Variants in CACNA1E observed in about 807,000 individuals in gnomAD.
CACNA1E encodes voltage-dependent R-type calcium channel subunit alpha-1E.
In CACNA1E, 40 loss-of-function variants were observed where a neutral mutation model predicts 259.2. The observed-to-expected ratio is 0.15, with a 90% CI of 0.12 to 0.20. CACNA1E has a LOEUF of 0.20. Ranked by LOEUF, CACNA1E falls within the 10% of genes least tolerant of loss-of-function variation. CACNA1E has a pLI of 1.00. For synonymous variants in CACNA1E, 1,104 were observed against 1,138.5 expected (o/e 0.97, Z 0.61); for missense variants, 1,874 against 3,040.1 (o/e 0.62, Z 9.02).
intron 35 of CACNA1E, among the ~76,000 whole-genome samples, chr1:181,769,078 A>AT (rs1659269255): frequency 6.6e-6 from 1 of 152,156 alleles, no homozygotes; most frequent in South Asian, 2.1e-4. Flanking sequence ...AGGAAGTGGG[A>AT]TTGTCAGCCT....
intron 10 of CACNA1E, 118 bp downstream of exon 10, chr1:181,716,247 G>T: frequency 1.1e-4 from 38 of 352,092 alleles, no homozygotes; most frequent in Non-Finnish European, 1.1e-4. Flanking sequence ...ATTTAGGAAT[G>T]TAATTAAGGA....
At position 181,485,920 on chromosome 1, in the gene CACNA1E, C is replaced by A. The variant is rs1006734916; in HGVS notation, c.266+1910C>A. ...AGTGTGCCAGCAGCCATCGTTGGCA[C>A]CTCGGACAGCGCCGCTGAAACTCCC... On this transcript the variant is annotated intron_variant, in intron 1 of 47. Transcript: ENST00000367573. The surrounding 1 kb of genome is among the most constrained non-coding windows in gnomAD (Gnocchi z 4.2). Among the ~76,000 whole-genome samples, 2 of 152,234 alleles carry A rather than the reference C, an allele frequency of 1.3e-5. No individual in the cohort carries two copies. The highest frequency in any genetic ancestry group is 2.9e-5 in the Non-Finnish European group (2 of 68,040).
chr1:181,662,442 G>C lies in CACNA1E; in HGVS notation c.1055+11001G>C, dbSNP rs564579095. On this transcript the variant is annotated intron_variant, in intron 7 of 47. Coordinates refer to ENST00000367573, the MANE Select transcript of CACNA1E (RefSeq NM_001205293.3). ...ATGTATAGCCTAGTAGTAAAATACA[G>C]ACTCTAGACAGTCTAGCTGGGTTTG... Among the ~76,000 whole-genome samples the C allele has an allele frequency of 2.6e-5, 4 of 152,256 alleles. No homozygotes were observed. The South Asian group carries it at 8.3e-4, about 32-fold the overall frequency.
At chr1:181,695,687 G>A (rs897754004) in intron 7 of CACNA1E, among the ~76,000 whole-genome samples, 1 of 152,210 alleles carries the variant, frequency 6.6e-6, no homozygotes, top group Non-Finnish European at 1.5e-5. Context: ...CTACAGCTGG[G>A]TGTGGTGGCT....
rs151114434 is a variant in CACNA1E, at chr1:181,620,763, A to C, written c.952-30575A>C. On this transcript the variant is annotated intron_variant, in intron 6 of 47. Transcript: ENST00000367573. Reference sequence around the variant, plus strand: ...AAATAGTTCATATGAGTCATGAGAAATTCTGAGTGAAATCCTAGGTGCCAT... The same window carrying C: ...AAATAGTTCATATGAGTCATGAGAACTTCTGAGTGAAATCCTAGGTGCCAT... Among the ~76,000 whole-genome samples, 93 of 152,358 alleles carry C rather than the reference A, an allele frequency of 6.1e-4. 1 individual carries two copies. The East Asian group carries it at 0.017, about 28-fold the overall frequency.
At chr1:181,331,314 G>A (rs557005940) in intron 1 of CACNA1E, among the ~76,000 whole-genome samples, 1 of 152,244 alleles carries the variant, frequency 6.6e-6, no homozygotes, top group Admixed American at 6.5e-5. Flanking sequence ...AGGCTGAGAA[G>A]GCCCATCACA....
intron 3 of CACNA1E, among the ~76,000 whole-genome samples, chr1:181,543,407 C>T (rs955557630): frequency 6.6e-6 from 1 of 152,136 alleles, no homozygotes; most frequent in African/African-American, 2.4e-5. Flanking sequence ...ATGTTCCTGT[C>T]CACAAATTCA....
intron 6 of CACNA1E, among the ~76,000 whole-genome samples, chr1:181,593,478 A>G (rs909296356): frequency 3.3e-5 from 5 of 152,254 alleles, no homozygotes; most frequent in Non-Finnish European, 5.9e-5. Flanking sequence ...GCTAACTTGC[A>G]TAAACTGTGA....
intron 3 of CACNA1E, among the ~76,000 whole-genome samples, chr1:181,528,788 A>G (rs889041608): frequency 6.6e-6 from 1 of 152,194 alleles, no homozygotes; most frequent in Non-Finnish European, 1.5e-5. Flanking sequence ...CTGGTGGAGG[A>G]AATTTCTTAG....
chr1:181,486,206 G>C (rs1192922920), intron 1 of CACNA1E, among the ~76,000 whole-genome samples: 3 of 152,220 alleles, frequency 2.0e-5, no homozygotes, highest in African/African-American at 7.2e-5. Flanking sequence ...TCTCGAGGGA[G>C]TTGATTTCAG....
At position 181,415,782 on chromosome 1, in the gene CACNA1E, G is replaced by A. The variant is rs552013206; in HGVS notation, c.434+2202G>A. Among the ~76,000 whole-genome samples the A allele has an allele frequency of 1.3e-4, 20 of 152,166 alleles. No individual in the cohort carries two copies. The South Asian group carries it at 4.2e-3, about 32-fold the overall frequency. On this transcript the variant is annotated intron_variant, in intron 2 of 11. Transcript: ENST00000524607. ...CCTTCTCTGCTCCCCAACACTCACG[G>A]CCTCATCATGGCTTTTCCCCTCACC...
chr1:181,674,866 C>T (rs1243108265), intron 7 of CACNA1E, among the ~76,000 whole-genome samples: 3 of 152,188 alleles, frequency 2.0e-5, no homozygotes, highest in South Asian at 2.1e-4. Context: ...CATGAGTGTC[C>T]CCCAGGTGGC....
chr1:181,711,097 G>A (rs528301977), intron 8 of CACNA1E, 28 bp downstream of exon 8: 11 of 1,474,370 alleles, frequency 7.5e-6, no homozygotes, highest in Non-Finnish European at 1.0e-5. Flanking sequence ...CAGGAGGCTG[G>A]TGAGTGGGCT....
Position 181,724,457 on chromosome 1 carries a change from T to C in CACNA1E, c.2075-13T>C. ...GCTTTTCTTATTTGCCCATCCTTAATTCATCACCCCAGACACGCTACTGAA... is the reference window on the plus strand; with the variant it reads ...GCTTTTCTTATTTGCCCATCCTTAACTCATCACCCCAGACACGCTACTGAA... On this transcript the variant is annotated splice_polypyrimidine_tract_variant and intron_variant, in intron 16 of 47. Transcript: ENST00000367573. 6.2e-7 allele frequency: 1 copy of C among 1,611,816 alleles called. No homozygotes were observed. The highest frequency in any genetic ancestry group is 8.5e-7 in the Non-Finnish European group (1 of 1,178,618).
At chr1:181,536,623 T>C (rs952253564) in intron 3 of CACNA1E, among the ~76,000 whole-genome samples, 1 of 152,216 alleles carries the variant, frequency 6.6e-6, no homozygotes, top group Non-Finnish European at 1.5e-5. Flanking sequence ...TTCTTGATTG[T>C]AATATTATCT....
intron 1 of CACNA1E, among the ~76,000 whole-genome samples, chr1:181,322,576 A>G (rs982669938): frequency 2.6e-5 from 4 of 152,224 alleles, no homozygotes; most frequent in African/African-American, 9.7e-5. Flanking sequence ...TGGTGTTATG[A>G]ATGTCATCCT....
At chr1:181,551,229 G>A (rs554436712) in intron 3 of CACNA1E, among the ~76,000 whole-genome samples, 2 of 152,292 alleles carry the variant, frequency 1.3e-5, no homozygotes, top group South Asian at 2.1e-4. Context: ...TCCCTCTCTG[G>A]TCCTCCCACC....
rs1662318578 is a variant in CACNA1E at position 181,802,091 on chromosome 1, G to A, written c.*3257G>A. The stretch of plus-strand genomic sequence containing the variant: ...TGCCAGCGACCTCTGGACAGGGGCA[G>A]GGCTCCAGCCAAGGTGCCCCTGAGC... On this transcript the variant is annotated 3_prime_UTR_variant, in exon 48 of 48. Transcript: ENST00000367573. 1 of 152,218 alleles carries A rather than the reference G, an allele frequency of 6.6e-6. No homozygotes were observed. Among genetic ancestry groups the A allele is most frequent in the Non-Finnish European group, 1.5e-5 (1 of 68,050 alleles). 9.4% of individuals were successfully genotyped at this position (152,218 alleles called of 1,614,324 possible). A position where few individuals can be genotyped will look rare whatever the true frequency, so the allele number is the denominator to read the frequency against.
At chr1:181,457,008 T>A (rs565627646) in intron 2 of CACNA1E, among the ~76,000 whole-genome samples, 2 of 152,366 alleles carry the variant, frequency 1.3e-5, no homozygotes, top group East Asian at 3.9e-4. Context: ...ACTTTTCTAC[T>A]GAAAGATAAG....
Sources: allele counts gnomAD v4.1 joint callset (sites outside exome capture counted in the v4.1 genomes callset), GRCh38; gene constraint gnomAD v4.1.1; non-coding constraint Gnocchi (gnomAD v3.1); transcripts MANE v1.5; gene names NCBI Gene and HGNC (gene_info 2026-07-23, HGNC 2026-07-21).